The following DHCR24 variants were observed in gnomAD, a reference collection of about 807,000 sequenced individuals.
DHCR24 encodes the protein delta(24)-sterol reductase.
Under a neutral mutation model 61.2 loss-of-function variants are expected in DHCR24, and 28 were observed. That is an observed-to-expected ratio of 0.46 (90% CI 0.34 to 0.63). The LOEUF is 0.63. Among genes scored for constraint, DHCR24 ranks in the 20% least tolerant of loss-of-function variants. DHCR24 has a pLI of 0.01. For missense variants in DHCR24, 538 were observed against 679.1 expected, an observed-to-expected ratio of 0.79 and a Z score of 2.31; for synonymous variants, 261 against 275.9, an observed-to-expected ratio of 0.95 and a Z score of 0.54.
intron 3 of DHCR24, 81 bp from the exon 4 acceptor site, chr1:54,875,292 T>G: frequency 8.1e-7 from 1 of 1,229,892 alleles, no homozygotes; most frequent in Non-Finnish European, 1.2e-6. Context: ...GGGGGCCTCC[T>G]AGCATGAGGG....
intron 5 of DHCR24, among the ~76,000 whole-genome samples, chr1:54,870,317 G>A (rs1225485500): frequency 6.6e-6 from 1 of 152,138 alleles, no homozygotes; most frequent in Non-Finnish European, 1.5e-5. Context: ...CTGGCGTAAA[G>A]AGATGCACTT....
Position 54,883,892 on chromosome 1 carries a change from G to C in DHCR24, c.232-119C>G. ...GCCTCCATCAGGCACTGGAGAAACA[G>C]AACAATGAAAAGGCCTGCTGGCCCT... is the stretch of plus-strand genomic sequence containing the variant. On this transcript the variant is annotated intron_variant, in intron 1 of 8. Transcript: ENST00000371269. This position sits in a 1 kb window ranked among gnomAD's most constrained non-coding sequence, Gnocchi z 4.3. The C allele has an allele frequency of 7.0e-7, 1 of 1,434,440 alleles. No individual in the cohort carries two copies. The highest frequency in any genetic ancestry group is 9.6e-7 in the Non-Finnish European group (1 of 1,038,622). The allele number at this position is 1,434,440 out of a possible 1,614,324, so 88.9% of individuals were successfully genotyped here.
chr1:54,863,074 CAAAAAAAAAAAAAAAAA>C (rs5774200), intron 6 of DHCR24, among the ~76,000 whole-genome samples: 2 of 61,410 alleles, frequency 3.3e-5, no homozygotes, highest in East Asian at 4.4e-4. Flanking sequence ...GACTCTGCCT[CAAAAAAAAAAAAAAAAA>C]AAAAAAAAAG....
intron 5 of DHCR24, among the ~76,000 whole-genome samples, chr1:54,870,053 CAAAA>C (rs372873383): frequency 3.1e-4 from 39 of 127,462 alleles, no homozygotes; most frequent in South Asian, 1.0e-3. Context: ...GACTCCATCT[CAAAA>C]AAAAAAAAAA....
In DHCR24 at chr1:54,854,760, A is replaced by T. The variant is rs573820954; in HGVS notation, c.1021-526T>A. Among the ~76,000 whole-genome samples, 215 of 152,310 alleles carry T rather than the reference A, an allele frequency of 1.4e-3. 2 individuals carry two copies. Among genetic ancestry groups the T allele is most frequent in the African/African-American group, 5.0e-3 (208 of 41,564 alleles). On this transcript the variant is annotated intron_variant, in intron 6 of 8. Coordinates refer to ENST00000371269, the MANE Select transcript of DHCR24 (RefSeq NM_014762.4). ...GGTGCAGTCTGGCTCAGGTTCGACA[A>T]GGAGCCCACTGGTTTGCAGCATCCC...
chr1:54,854,059 T>G lies in DHCR24; in HGVS notation c.1196A>C (p.His399Pro). 3.1e-6 allele frequency: 5 copies of G among 1,613,490 alleles called. No individual in the cohort carries two copies. The highest frequency in any genetic ancestry group is 4.2e-6 in the Non-Finnish European group (5 of 1,179,778). The change falls in exon 7 of 9, where the codon CAC becomes CCC. Residue 399 changes from histidine to proline, a missense_variant. Physicochemically the swap from His to Pro is moderately conservative, Grantham distance 77. Transcript: ENST00000371269. ...VPMKCLQQAL[H>P]TFQNDIHVYP... ...CACGTGGATGTCGTTTTGGAAGGTGTGCAGGGCCTGCTGCAGGCACTTCAT... is the reference window on the plus strand; with the variant it reads ...CACGTGGATGTCGTTTTGGAAGGTGGGCAGGGCCTGCTGCAGGCACTTCAT...
intron 6 of DHCR24, among the ~76,000 whole-genome samples, chr1:54,860,861 G>A (rs530080416): frequency 4.0e-5 from 5 of 125,890 alleles, no homozygotes; most frequent in Admixed American, 2.4e-4. Context: ...AGTGGCAGGC[G>A]CCTGTAGTCC....
chr1:54,873,106 A>G (rs1028427512), intron 4 of DHCR24, among the ~76,000 whole-genome samples: 1 of 152,244 alleles, frequency 6.6e-6, no homozygotes, highest in South Asian at 2.1e-4. Flanking sequence ...ATTTTTCTAA[A>G]ACATCCTCTC....
Position 54,865,314 on chromosome 1 carries a change from A to G in DHCR24, c.1009T>C (p.Trp337Arg). 1.2e-6 allele frequency: 2 copies of G among 1,613,698 alleles called. No homozygotes were observed. Among genetic ancestry groups the G allele is most frequent in the Non-Finnish European group, 1.7e-6 (2 of 1,179,870 alleles). The change falls in exon 6 of 9, where the codon TGG becomes CGG. Residue 337 changes from tryptophan (W) to arginine (R), a missense_variant. Transcript: ENST00000371269. ...YYHRHTRSIF[W>R]ELQDIIPFGN... ...AACCTAAGCCTCACCTGGAGCTCCC[A>G]GAAGATGCTGCGCGTGTGGCGGTGG...
In DHCR24 at chr1:54,886,953, A is replaced by C; in HGVS notation, c.167T>G (p.Val56Gly). 6.2e-7 allele frequency: 1 copy of C among 1,613,572 alleles called. No individual in the cohort carries two copies. The highest frequency in any genetic ancestry group is 1.1e-5 in the South Asian group (1 of 91,062). ...CGGAGCGCTGCTGAGCTTGAACACC[A>C]CCCAGGCGCGCACGTAGTAGTAGAT... ...FDIYYYVRAW[V>G]VFKLSSAPRL... is the part of the protein sequence containing the mutation. Residue 56 changes from valine to glycine, a missense_variant, in exon 1 of 9, where the codon GTG becomes GGG. Physicochemically the swap from Val to Gly is moderately radical, Grantham distance 109. Coordinates refer to ENST00000371269, the MANE Select transcript of DHCR24 (RefSeq NM_014762.4).
chr1:54,875,972 C>A lies in DHCR24; in HGVS notation c.463G>T (p.Val155Leu), dbSNP rs138933459. Reference sequence around the variant, plus strand: ...GTGAGGTCATCAAGCTCAGGCAACACGGGGAGAGTCCAGCCAATGGAGGTC... The same window carrying A: ...GTGAGGTCATCAAGCTCAGGCAACAAGGGGAGAGTCCAGCCAATGGAGGTC... ...LLTSIGWTLP[V>L]LPELDDLTVG... The change falls in exon 3 of 9, where the codon GTG becomes TTG. Residue 155 changes from valine to leucine, a missense_variant. Transcript: ENST00000371269. The A allele has an allele frequency of 8.7e-6, 14 of 1,613,880 alleles. No individual in the cohort carries two copies. Among genetic ancestry groups the A allele is most frequent in the Non-Finnish European group, 1.1e-5 (13 of 1,179,834 alleles).
In DHCR24 at chr1:54,850,526, G is replaced by A. The variant is rs1646869441; in HGVS notation, c.*1707C>T. Reference sequence around the variant, plus strand: ...TGCTAAGACACTGGCAGTGTGCCAAGCCTTGGGTGGGATGGGTGAACACCC... The same window carrying A: ...TGCTAAGACACTGGCAGTGTGCCAAACCTTGGGTGGGATGGGTGAACACCC... On this transcript the variant is annotated 3_prime_UTR_variant, in exon 9 of 9. Coordinates refer to ENST00000371269, the MANE Select transcript of DHCR24 (RefSeq NM_014762.4). The A allele has an allele frequency of 6.6e-6, 1 of 152,252 alleles. No individual in the cohort carries two copies. Among genetic ancestry groups the A allele is most frequent in the Admixed American group, 6.5e-5 (1 of 15,288 alleles). The allele number at this position is 152,252 out of a possible 1,614,324, so 9.4% of individuals were successfully genotyped here.
intron 2 of DHCR24, among the ~76,000 whole-genome samples, chr1:54,880,779 T>TAAACAAACAAAC (rs34524631): frequency 1.0e-4 from 15 of 150,364 alleles, no homozygotes; most frequent in Admixed American, 6.6e-4. Context: ...AACAAAAATA[T>TAAACAAACAAAC]AAACAAACAA....
chr1:54,857,246 T>A (rs753357807), intron 6 of DHCR24, among the ~76,000 whole-genome samples: 3 of 152,238 alleles, frequency 2.0e-5, no homozygotes, highest in Non-Finnish European at 4.4e-5. Context: ...TTGCAGAGAA[T>A]CTCACTGCAG....
chr1:54,873,940 G>T, intron 4 of DHCR24, among the ~76,000 whole-genome samples: 1 of 151,882 alleles, frequency 6.6e-6, no homozygotes, highest in African/African-American at 2.4e-5. Context: ...GTGAGCCACT[G>T]CACCCAGCCT....
At position 54,871,572 on chromosome 1, in the gene DHCR24, A is replaced by G; in HGVS notation, c.654T>C (p.Cys218=). Residue 218 remains cysteine (C), a synonymous_variant, in exon 5 of 9, where the codon TGT becomes TGC. Coordinates refer to ENST00000371269, the MANE Select transcript of DHCR24 (RefSeq NM_014762.4). ...CGGCCACCAGGAAACCCAGCGTCCC[A>G]CAGGACCAGGGTACGGCATAGAACA... ...SDLFYAVPWS[C]GTLGFLVAAE... 6.2e-7 allele frequency: 1 copy of G among 1,614,202 alleles called. No homozygotes were observed. The highest frequency in any genetic ancestry group is 1.1e-5 in the South Asian group (1 of 91,086).
In DHCR24 at chr1:54,871,680, G is replaced by T. The variant is rs545948766; in HGVS notation, c.613-67C>A. 67 of 1,606,470 alleles carry T rather than the reference G, an allele frequency of 4.2e-5. No individual in the cohort carries two copies. In the East Asian group the frequency reaches 8.0e-4, roughly 19 times the overall value. ...CCCCACATTGTGGCATGCAGTCAGT[G>T]GGGGAGCAAAGCCTGGGAGAGTCCC... On this transcript the variant is annotated intron_variant, in intron 4 of 8. Coordinates refer to ENST00000371269, the MANE Select transcript of DHCR24 (RefSeq NM_014762.4).
intron 2 of DHCR24, among the ~76,000 whole-genome samples, chr1:54,878,189 A>AG (rs879267066): frequency 2.5e-4 from 27 of 107,080 alleles, no homozygotes; most frequent in South Asian, 4.5e-4. Context: ...GGCTGAAGCC[A>AG]GGGAAAAAAC....
chr1:54,878,462 C>T (rs1224863125), intron 2 of DHCR24, among the ~76,000 whole-genome samples: 1 of 137,704 alleles, frequency 7.3e-6, no homozygotes, highest in South Asian at 2.3e-4. Context: ...TGCAGTGACC[C>T]GAGATTGCAC....
Sources: allele counts gnomAD v4.1 joint callset (sites outside exome capture counted in the v4.1 genomes callset), GRCh38; gene constraint gnomAD v4.1.1; non-coding constraint Gnocchi (gnomAD v3.1); transcripts MANE v1.5; gene names NCBI Gene and HGNC (gene_info 2026-07-23, HGNC 2026-07-21).